The following TTC34 variants were observed in gnomAD, a reference collection of about 807,000 sequenced individuals.
TTC34 encodes tetratricopeptide repeat protein 34.
A neutral mutation model predicts 40.7 loss-of-function variants in TTC34; 44 were observed. The observed-to-expected ratio is 1.08, with a 90% CI of 0.85 to 1.39. The LOEUF is 1.39. TTC34 is among the 40% of genes most tolerant of loss of function. The pLI, the probability that TTC34 is intolerant of heterozygous loss-of-function variation, is 0.00. For synonymous variants in TTC34, 422 were observed against 398.6 expected, an observed-to-expected ratio of 1.06 and a Z score of -0.70; for missense variants, 884 against 838.0, an observed-to-expected ratio of 1.05 and a Z score of -0.68.
At chr1:2,791,816 C>T (rs1211241559) in intron 2 of TTC34, among the ~76,000 whole-genome samples, 1 of 152,022 alleles carries the variant, frequency 6.6e-6, no homozygotes. Context: ...GATCTCTCCT[C>T]TCTTTCCGAG....
At chr1:2,782,522 C>A (rs1268516814) in intron 6 of TTC34, among the ~76,000 whole-genome samples, 1 of 148,830 alleles carries the variant, frequency 6.7e-6, no homozygotes, top group African/African-American at 2.5e-5. Context: ...CTCTCTCTTT[C>A]TTTCTCTTTC....
At chr1:2,762,108 A>G (rs1641698108) in intron 6 of TTC34, among the ~76,000 whole-genome samples, 2 of 61,010 alleles carry the variant, frequency 3.3e-5, no homozygotes, top group African/African-American at 1.6e-4. Flanking sequence ...CGAGCATCTG[A>G]CAGCCTGGAG....
At chr1:2,782,416 A>G (rs1178658609) in intron 6 of TTC34, among the ~76,000 whole-genome samples, 1 of 152,174 alleles carries the variant, frequency 6.6e-6, no homozygotes, top group East Asian at 1.9e-4. Context: ...AGGTTTGTCA[A>G]ATTTTGTCTT....
In TTC34 at chr1:2,675,055, C is replaced by T. The variant is rs1448952262; in HGVS notation, c.2227-29492G>A. Among the ~76,000 whole-genome samples, 24 of 117,066 alleles carry T rather than the reference C, an allele frequency of 2.1e-4. No individual in the cohort carries two copies. In the East Asian group the frequency reaches 2.1e-3, roughly 10 times the overall value. The allele number at this position is 117,066 out of a possible 152,430, so 76.8% of individuals were successfully genotyped here. On this transcript the variant is annotated intron_variant, in intron 6 of 8. Transcript: ENST00000401095. ...AGCACCCACAACCACAGGTGAGCAT[C>T]GGAGAGTCAGGAGCAGTGCCCACAC...
chr1:2,767,409 T>G (rs1357899798), intron 6 of TTC34, among the ~76,000 whole-genome samples: 51 of 122,422 alleles, frequency 4.2e-4, no homozygotes, highest in East Asian at 1.2e-3. Flanking sequence ...CACCCCCAGG[T>G]GAGCATCTGA....
At chr1:2,765,739 T>C (rs1641769348) in intron 6 of TTC34, among the ~76,000 whole-genome samples, 9 of 46,392 alleles carry the variant, frequency 1.9e-4, no homozygotes, top group East Asian at 5.7e-4. Flanking sequence ...TCTGACAGCC[T>C]GGAGCAGCGC....
intron 6 of TTC34, among the ~76,000 whole-genome samples, chr1:2,652,023 T>G (rs148512371): frequency 2.5e-3 from 5 of 2,040 alleles, no homozygotes; most frequent in South Asian, 0.026. Flanking sequence ...GCACCTGACA[T>G]CGTGGAGCAG....
At chr1:2,783,539 G>A (rs928119916) in intron 6 of TTC34, 70 bp downstream of exon 6, 2 of 1,298,874 alleles carry the variant, frequency 1.5e-6, no homozygotes, top group African/African-American at 3.0e-5. Context: ...TCTCCTTGGG[G>A]TGGAGGAAGG....
intron 6 of TTC34, among the ~76,000 whole-genome samples, chr1:2,657,470 A>T (rs1639391308): frequency 1.1e-5 from 1 of 92,038 alleles, no homozygotes; most frequent in Admixed American, 1.0e-4. Context: ...CCCCCAGGCG[A>T]GCATCTGACC....
intron 6 of TTC34, among the ~76,000 whole-genome samples, chr1:2,685,773 C>G (rs1345787099): frequency 6.7e-5 from 10 of 149,494 alleles, no homozygotes; most frequent in Admixed American, 1.3e-4. Flanking sequence ...AGGTGAGCAT[C>G]TGACAGCCTG....
At chr1:2,694,857 G>A (rs1169056989) in intron 6 of TTC34, among the ~76,000 whole-genome samples, 2 of 84,434 alleles carry the variant, frequency 2.4e-5, no homozygotes, top group African/African-American at 4.0e-5. Flanking sequence ...TGATGGTCTG[G>A]AGCAGCACCC....
At chr1:2,795,844 A>G (rs917977634) in intron 2 of TTC34, among the ~76,000 whole-genome samples, 1 of 152,328 alleles carries the variant, frequency 6.6e-6, no homozygotes, top group African/African-American at 2.4e-5. Flanking sequence ...GTCCTCATAC[A>G]TCGTGTATCG....
chr1:2,692,178 C>A (rs1464412311), intron 6 of TTC34, among the ~76,000 whole-genome samples: 2 of 66,638 alleles, frequency 3.0e-5, no homozygotes, highest in East Asian at 7.9e-4. Context: ...TGGAACAGCA[C>A]ACACACCGCC....
intron 6 of TTC34, among the ~76,000 whole-genome samples, chr1:2,759,426 C>G (rs1361106319): frequency 1.0e-5 from 1 of 99,140 alleles, no homozygotes; most frequent in African/African-American, 4.5e-5. Context: ...CAGCCTGGAT[C>G]AGCACCCACA....
chr1:2,782,507 T>TC (rs1643500691), intron 6 of TTC34, among the ~76,000 whole-genome samples: 1 of 84,660 alleles, frequency 1.2e-5, no homozygotes, highest in Admixed American at 1.0e-4. Flanking sequence ...CTGTAATCTT[T>TC]TTCTCTCTCT....
chr1:2,781,027 T>A (rs1275429470), intron 6 of TTC34, among the ~76,000 whole-genome samples: 1 of 152,264 alleles, frequency 6.6e-6, no homozygotes, highest in East Asian at 1.9e-4. Context: ...GTAGATGGAA[T>A]TACAGTTGAC....
At chr1:2,683,538 G>A (rs557063618) in intron 6 of TTC34, among the ~76,000 whole-genome samples, 3 of 147,610 alleles carry the variant, frequency 2.0e-5, no homozygotes, top group Admixed American at 6.7e-5. Context: ...TGATGGTCTG[G>A]AGCAGCACCC....
chr1:2,784,600 C>T (rs1244385989), intron 5 of TTC34, among the ~76,000 whole-genome samples: 2 of 152,162 alleles, frequency 1.3e-5, no homozygotes, highest in African/African-American at 4.8e-5. Context: ...CTCAAGCAGC[C>T]CTTATGCGGG....
At chr1:2,684,890 T>G (rs1032980995) in intron 6 of TTC34, among the ~76,000 whole-genome samples, 1 of 103,314 alleles carries the variant, frequency 9.7e-6, no homozygotes, top group African/African-American at 4.9e-5. Flanking sequence ...CAGGTGAGCA[T>G]CTGACAGCCT....
Sources: gnomAD v4.1 joint callset for allele counts (sites outside exome capture counted in the v4.1 genomes callset) on GRCh38, gnomAD v4.1.1 for gene constraint, MANE v1.5 for transcripts, NCBI Gene and HGNC (gene_info 2026-07-23, HGNC 2026-07-21) for gene names.